C1QTNF5: variants seen among roughly 807,000 people sequenced by gnomAD.
The protein encoded by C1QTNF5 is C1q and TNF related 5, also known as complement C1q tumor necrosis factor-related protein 5.
A neutral mutation model predicts 10.9 loss-of-function variants in C1QTNF5; 5 were observed. That is an observed-to-expected ratio of 0.46 (90% CI 0.24 to 0.97). C1QTNF5 has a LOEUF of 0.97. Ranked by LOEUF, C1QTNF5 falls within the 50% of genes least tolerant of loss-of-function variation. The probability of loss-of-function intolerance (pLI) is 0.19; values close to 1 mark genes in which losing one functional copy is unlikely to be tolerated. For synonymous variants in C1QTNF5, 161 were observed against 156.5 expected, an observed-to-expected ratio of 1.03 and a Z score of -0.22; for missense variants, 281 against 339.4, an observed-to-expected ratio of 0.83 and a Z score of 1.35.
chr11:119,340,607 C>A, intron 1 of C1QTNF5, 88 bp downstream of exon 1: 1 of 567,764 alleles, frequency 1.8e-6, no homozygotes, highest in South Asian at 2.2e-5. Flanking sequence ...AGGGTGGGAG[C>A]GGCCAGCCCT....
rs892790876 is a variant in C1QTNF5, at chr11:119,340,346, G to A, written c.52C>T (p.Pro18Ser). Residue 18 changes from proline to serine, a missense_variant, in exon 2 of 3, where the codon CCA (proline) becomes TCA (serine). Pro to Ser is a moderately conservative substitution (Grantham distance 74). Transcript: ENST00000528368. ...CTGGGGATCTTGTTGTCGTCCAGTG[G>A]GGGCGAGCCGGCCGCCAGGCCCAGG... The part of the protein sequence containing the change: ...LLLGLAAGSP[P>S]LDDNKIPSLC... The A allele has an allele frequency of 5.2e-6, 8 of 1,543,892 alleles. No homozygotes were observed. The African/African-American group carries it at 9.7e-5, about 19-fold the overall frequency.
upstream of C1QTNF5, chr11:119,344,469 C>T (rs751733150): frequency 2.4e-5 from 38 of 1,557,620 alleles, no homozygotes; most frequent in East Asian, 1.4e-4. Context: ...GATTACAGAG[C>T]GAGAGTTTTG....
upstream of C1QTNF5, chr11:119,342,471 G>C (rs1390711514): frequency 1.6e-6 from 2 of 1,279,156 alleles, no homozygotes; most frequent in Admixed American, 2.2e-5. Flanking sequence ...CCAGAGTCAG[G>C]ATGGTGAGGC....
At chr11:119,345,573 G>C (rs1950555540), upstream of C1QTNF5, 1 of 1,613,962 alleles carries the variant, frequency 6.2e-7, no homozygotes. Context: ...GGGGGGGTAA[G>C]GGTCTGGGTA....
Position 119,339,817 on chromosome 11 carries a change from C to T in C1QTNF5, c.246G>A (p.Pro82=), listed in dbSNP as rs1950481195. 1.3e-6 allele frequency: 2 copies of T among 1,518,698 alleles called. No individual in the cohort carries two copies. Among genetic ancestry groups the T allele is most frequent in the African/African-American group, 1.4e-5 (1 of 72,594 alleles). The allele number at this position is 1,518,698 out of a possible 1,614,324, so 94.1% of individuals were successfully genotyped here. A position where few individuals can be genotyped will look rare whatever the true frequency, so the allele number is the denominator to read the frequency against. ...GCCCCGCGGGTCCCGCCTCTCCTCG[C>T]GGCCCGGGGTCCCCTCGAGGTCCCG... The part of the protein sequence containing the change: ...GLPGPRGDPG[P]RGEAGPAGPT... The change falls in exon 3 of 3, where the codon CCG becomes CCA. Residue 82 remains proline, a synonymous_variant. Transcript: ENST00000528368. This position sits in a 1 kb window ranked among gnomAD's most constrained non-coding sequence, Gnocchi z 5.4.
chr11:119,340,133 G>A (rs2135365175), intron 2 of C1QTNF5, 51 bp downstream of exon 2: 1 of 1,488,278 alleles, frequency 6.7e-7, no homozygotes, highest in Non-Finnish European at 8.9e-7. Context: ...TGGAGCTGCG[G>A]CCGCGCCTGC....
chr11:119,342,602 G>A, upstream of C1QTNF5: 2 of 1,613,220 alleles, frequency 1.2e-6, no homozygotes, highest in Non-Finnish European at 1.7e-6. Context: ...TCACCTGGGG[G>A]TGGGAACAAG....
At chr11:119,345,838 G>A (rs1257205612), upstream of C1QTNF5, 2 of 1,614,016 alleles carry the variant, frequency 1.2e-6, no homozygotes, top group Non-Finnish European at 1.7e-6. Flanking sequence ...TGCCTGAGAG[G>A]TGGTGATGGT....
upstream of C1QTNF5, chr11:119,344,284 C>T (rs749992152): frequency 1.9e-6 from 3 of 1,602,776 alleles, no homozygotes; most frequent in Admixed American, 1.7e-5. Context: ...CGTGTGTGCC[C>T]CTCCCGTTCT....
intron 2 of C1QTNF5, among the ~76,000 whole-genome samples, 159 bp from the exon 3 acceptor site, chr11:119,340,007 A>T (rs1950484286): frequency 6.6e-6 from 1 of 152,034 alleles, no homozygotes; most frequent in Non-Finnish European, 1.5e-5. Context: ...CGCAGGGCAG[A>T]TCTGGGGGGC....
upstream of C1QTNF5, chr11:119,343,046 A>G (rs770435312): frequency 3.5e-5 from 55 of 1,564,626 alleles, no homozygotes; most frequent in Non-Finnish European, 4.4e-5. Flanking sequence ...GCCCTGGCTG[A>G]CTGAGGGGGC....
In C1QTNF5 at chr11:119,339,974, C is replaced by A. The variant is rs1950483804; in HGVS notation, c.215-126G>T. 2.3e-6 allele frequency: 3 copies of A among 1,329,414 alleles called. No homozygotes were observed. The highest frequency in any genetic ancestry group is 3.0e-6 in the Non-Finnish European group (3 of 1,016,122). 82.4% of individuals were successfully genotyped at this position (1,329,414 alleles called of 1,614,324 possible). ...GCTTCGGCCAGCGCCTCCTCCCGCA[C>A]GGGTACCTCCTCCACCCCTTCCCGC... On this transcript the variant is annotated intron_variant, in intron 2 of 2. Transcript: ENST00000528368. This position sits in a 1 kb window ranked among gnomAD's most constrained non-coding sequence, Gnocchi z 5.4.
At chr11:119,346,271 C>T in the C1QTNF5 span, 1 of 1,611,630 alleles carries the variant, frequency 6.2e-7, no homozygotes. Context: ...GGGATGGTTA[C>T]CATGCCAGGG....
At chr11:119,343,907 T>A (rs771627725), upstream of C1QTNF5, 3 of 1,613,538 alleles carry the variant, frequency 1.9e-6, no homozygotes, top group African/African-American at 4.0e-5. Context: ...AGGCTGAAGT[T>A]GTGGAACTGT....
At chr11:119,343,811 T>C (rs752497800), upstream of C1QTNF5, 12 of 1,613,786 alleles carry the variant, frequency 7.4e-6, no homozygotes, top group Non-Finnish European at 1.0e-5. Flanking sequence ...CCCTGGCTCC[T>C]GTACCTGCCC....
upstream of C1QTNF5, chr11:119,345,771 A>G (rs1296826453): frequency 1.2e-6 from 2 of 1,613,190 alleles, no homozygotes; most frequent in Non-Finnish European, 8.5e-7. Flanking sequence ...CCCAGTACTC[A>G]CTGGACTGTG....
At chr11:119,345,610 G>C (rs770853687), upstream of C1QTNF5, 7 of 1,613,586 alleles carry the variant, frequency 4.3e-6, no homozygotes, top group Admixed American at 3.3e-5. Flanking sequence ...AAGCCCCTTG[G>C]GCCAGAGAGG....
rs1042379965 is a variant in C1QTNF5 at position 119,339,177 on chromosome 11, C to G, written c.*154G>C. On this transcript the variant is annotated 3_prime_UTR_variant, in exon 3 of 3. Transcript: ENST00000528368. This position sits in a 1 kb window ranked among gnomAD's most constrained non-coding sequence, Gnocchi z 5.4. ...ACCTGATCGCAGACAGCCACTGTTC[C>G]CATTCCTTGCCAGCAGCAGGACGGA... 1.2e-6 allele frequency: 1 copy of G among 830,328 alleles called. No homozygotes were observed. Among genetic ancestry groups the G allele is most frequent in the African/African-American group, 1.7e-5 (1 of 58,054 alleles). The allele number at this position is 830,328 out of a possible 1,614,324, so 51.4% of individuals were successfully genotyped here.
chr11:119,345,733 C>T (rs1198338598), upstream of C1QTNF5: 1 of 1,613,136 alleles, frequency 6.2e-7, no homozygotes, highest in South Asian at 1.1e-5. Flanking sequence ...ACCCCGTCAT[C>T]TTGGGCCCTT....
Sources: gnomAD v4.1 joint callset for allele counts (sites outside exome capture counted in the v4.1 genomes callset) on GRCh38, gnomAD v4.1.1 for gene constraint, Gnocchi (gnomAD v3.1) non-coding constraint, MANE v1.5 for transcripts, NCBI Gene and HGNC (gene_info 2026-07-23, HGNC 2026-07-21) for gene names.